Variants in COX7B2 observed in about 807,000 individuals in gnomAD.
COX7B2 encodes cytochrome c oxidase subunit 7B2.
For synonymous variants in COX7B2, 37 were observed against 32.1 expected (o/e 1.15, Z -0.51); for missense variants, 109 against 95.9 (o/e 1.14, Z -0.57).
intron 1 of COX7B2, among the ~76,000 whole-genome samples, chr4:46,883,622 C>G (rs1718887193): frequency 6.6e-6 from 1 of 152,020 alleles, no homozygotes; most frequent in South Asian, 2.1e-4. Context: ...CCTGTTGTCC[C>G]AGCTACTCGG....
intron 2 of COX7B2, among the ~76,000 whole-genome samples, chr4:46,832,429 C>T (rs1262954519): frequency 2.0e-5 from 3 of 152,176 alleles, no homozygotes; most frequent in African/African-American, 7.2e-5. Flanking sequence ...CAAAAGCACA[C>T]ATAATTTCAA....
At chr4:46,886,705 G>C (rs545215612) in intron 1 of COX7B2, among the ~76,000 whole-genome samples, 30 of 152,256 alleles carry the variant, frequency 2.0e-4, no homozygotes, top group African/African-American at 7.0e-4. Context: ...CAGAATATAT[G>C]TTAGAACAAA....
chr4:46,757,476 T>A lies in COX7B2; in HGVS notation c.-49-22235A>T, dbSNP rs531044777. 1.6e-3 allele frequency among the ~76,000 whole-genome samples: 242 copies of A among 152,240 alleles called. 1 individual carries two copies. Among genetic ancestry groups the A allele is most frequent in the African/African-American group, 3.8e-3 (157 of 41,564 alleles). ...AATTTACTACAATAAGTTATTTTTT[T>A]AAAAACTCACTTGTCACTTCTCTGC... is the stretch of plus-strand genomic sequence containing the variant. On this transcript the variant is annotated intron_variant, in intron 2 of 2. Transcript: ENST00000355591.
chr4:46,782,373 T>C (rs1311760035), intron 2 of COX7B2, among the ~76,000 whole-genome samples: 1 of 151,710 alleles, frequency 6.6e-6, no homozygotes, highest in African/African-American at 2.4e-5. Context: ...TGCTTGTGTC[T>C]AGCTAATCTA....
intron 2 of COX7B2, among the ~76,000 whole-genome samples, chr4:46,779,248 T>G (rs73139362): frequency 0.034 from 5,111 of 152,296 alleles, 216 homozygotes; most frequent in African/African-American, 0.1. Flanking sequence ...TAATAGGCTT[T>G]CACATATAAG....
intron 2 of COX7B2, among the ~76,000 whole-genome samples, chr4:46,838,023 C>G (rs925912498): frequency 1.3e-5 from 2 of 151,958 alleles, no homozygotes; most frequent in African/African-American, 4.8e-5. Context: ...GAACTTAAAT[C>G]TAGAAAACAG....
At chr4:46,755,229 A>G (rs1460583629) in intron 2 of COX7B2, among the ~76,000 whole-genome samples, 7 of 152,216 alleles carry the variant, frequency 4.6e-5, no homozygotes, top group African/African-American at 1.7e-4. Context: ...CTTTGATGAA[A>G]TTCAGCATCG....
chr4:46,846,091 C>T lies in COX7B2; in HGVS notation c.-104-1077G>A, dbSNP rs376423907. 3.9e-5 allele frequency among the ~76,000 whole-genome samples: 6 copies of T among 152,120 alleles called. No homozygotes were observed. The South Asian group carries it at 1.0e-3, about 26-fold the overall frequency. The stretch of plus-strand genomic sequence containing the variant: ...TAAACAAGAAATGGCAAGTTTCAAA[C>T]GTTTTGAAGGTAAAATAGTTTTGTA... On this transcript the variant is annotated intron_variant, in intron 1 of 2. Transcript: ENST00000355591.
chr4:46,808,029 T>C (rs1391507208), intron 2 of COX7B2, among the ~76,000 whole-genome samples: 2 of 151,854 alleles, frequency 1.3e-5, no homozygotes, highest in African/African-American at 4.8e-5. Flanking sequence ...TCATATTGGT[T>C]TTAAAGTTGT....
At chr4:46,901,727 G>A (rs1720081284) in intron 1 of COX7B2, among the ~76,000 whole-genome samples, 1 of 152,210 alleles carries the variant, frequency 6.6e-6, no homozygotes, top group Non-Finnish European at 1.5e-5. Context: ...AAATGGCAGA[G>A]AAGGGTGAGC....
At chr4:46,769,765 A>T (rs1450414050) in intron 2 of COX7B2, among the ~76,000 whole-genome samples, 1 of 152,194 alleles carries the variant, frequency 6.6e-6, no homozygotes, top group Non-Finnish European at 1.5e-5. Context: ...AATGATCTTA[A>T]ATGCAGAAAA....
At chr4:46,761,881 T>C (rs1044742302) in intron 2 of COX7B2, among the ~76,000 whole-genome samples, 11 of 151,756 alleles carry the variant, frequency 7.2e-5, no homozygotes, top group South Asian at 2.1e-4. Flanking sequence ...TAAGGCATCT[T>C]ACTGAACTCC....
intron 1 of COX7B2, among the ~76,000 whole-genome samples, chr4:46,878,214 A>G (rs974991731): frequency 1.3e-5 from 2 of 152,278 alleles, no homozygotes; most frequent in East Asian, 1.9e-4. Flanking sequence ...AAAGTCATAG[A>G]AACAGTAGAA....
At position 46,797,087 on chromosome 4, in the gene COX7B2, TATA is replaced by T. The variant is rs1223699687; in HGVS notation, c.-50+47870_-50+47872del. The stretch of plus-strand genomic sequence containing the variant: ...TGCACATGTACCCTAAAACTTAGAG[TATA>T]ATAAAAAAAAAAAAAAAAAAAAAAA... On this transcript the variant is annotated intron_variant, in intron 2 of 2. Transcript: ENST00000355591. Among the ~76,000 whole-genome samples, 16 of 56,740 alleles carry T rather than the reference TATA, an allele frequency of 2.8e-4. No individual in the cohort carries two copies. The East Asian group carries it at 3.9e-3, about 14-fold the overall frequency. 37.2% of individuals were successfully genotyped at this position (56,740 alleles called of 152,430 possible).
chr4:46,802,140 A>G (rs983252012), intron 2 of COX7B2, among the ~76,000 whole-genome samples: 15 of 152,124 alleles, frequency 9.9e-5, no homozygotes, highest in African/African-American at 3.4e-4. Flanking sequence ...CATTCATGTG[A>G]TCAAAATAAT....
At chr4:46,868,523 C>T (rs12505836) in intron 1 of COX7B2, among the ~76,000 whole-genome samples, 59,869 of 151,852 alleles carry the variant, frequency 0.39, 11,885 homozygotes, top group South Asian at 0.5. Context: ...TAAATTTCCC[C>T]CTTAACACTG....
chr4:46,847,901 G>A (rs1422799731), intron 1 of COX7B2, among the ~76,000 whole-genome samples: 1 of 151,970 alleles, frequency 6.6e-6, no homozygotes, highest in Non-Finnish European at 1.5e-5. Flanking sequence ...CCAGCCTCAA[G>A]GTCCTCTATT....
At chr4:46,784,266 T>C (rs927569519) in intron 2 of COX7B2, among the ~76,000 whole-genome samples, 2 of 152,152 alleles carry the variant, frequency 1.3e-5, no homozygotes, top group East Asian at 1.9e-4. Context: ...TAAAATAATA[T>C]ACAAATTTAA....
At chr4:46,749,236 A>G (rs1577656770) in intron 2 of COX7B2, among the ~76,000 whole-genome samples, 1 of 152,166 alleles carries the variant, frequency 6.6e-6, no homozygotes. Context: ...GCTCCCTCGC[A>G]ATATATAATA....
Sources: gnomAD v4.1 joint callset for allele counts (sites outside exome capture counted in the v4.1 genomes callset) on GRCh38, gnomAD v4.1.1 for gene constraint, MANE v1.5 for transcripts, NCBI Gene and HGNC (gene_info 2026-07-23, HGNC 2026-07-21) for gene names.